GRAMD4: variants seen among roughly 807,000 people sequenced by gnomAD.
GRAMD4 encodes the protein GRAM domain containing 4.
In GRAMD4, 25 loss-of-function variants were observed where a neutral mutation model predicts 83.9. That is an observed-to-expected ratio of 0.30 (90% CI 0.22 to 0.42). The LOEUF (loss-of-function observed/expected upper bound fraction) is 0.42, where lower values mean the gene tolerates loss of function less well. Ranked by LOEUF, GRAMD4 falls within the 10% of genes least tolerant of loss-of-function variation. GRAMD4 has a pLI of 1.00. For synonymous variants in GRAMD4, 336 were observed against 320.9 expected, an observed-to-expected ratio of 1.05 and a Z score of -0.50; for missense variants, 593 against 788.7, an observed-to-expected ratio of 0.75 and a Z score of 2.97.
chr22:46,637,426 G>A (rs995767341), intron 2 of GRAMD4, among the ~76,000 whole-genome samples: 1 of 151,992 alleles, frequency 6.6e-6, no homozygotes, highest in Non-Finnish European at 1.5e-5. Flanking sequence ...CTAATTTTTC[G>A]TATTTTTTAG....
In GRAMD4 at chr22:46,665,606, C is replaced by T. The variant is rs556512757; in HGVS notation, c.718-9C>T. On this transcript the variant is annotated splice_polypyrimidine_tract_variant and intron_variant, in intron 8 of 18. Coordinates refer to ENST00000406902, the MANE Select transcript of GRAMD4 (RefSeq NM_015124.5). Reference sequence around the variant, plus strand: ...TCAGGAGGTCTGACGCCCTGTCTCTCACCCGCAGGTGTACATGAATGCCGT... The same window carrying T: ...TCAGGAGGTCTGACGCCCTGTCTCTTACCCGCAGGTGTACATGAATGCCGT... The T allele has an allele frequency of 1.9e-5, 29 of 1,507,842 alleles. No homozygotes were observed. Among genetic ancestry groups the T allele is most frequent in the East Asian group, 1.1e-4 (5 of 44,312 alleles). The allele number at this position is 1,507,842 out of a possible 1,614,324, so 93.4% of individuals were successfully genotyped here.
intron 2 of GRAMD4, among the ~76,000 whole-genome samples, chr22:46,632,767 G>A (rs547654064): frequency 5.9e-5 from 9 of 152,352 alleles, no homozygotes; most frequent in South Asian, 2.1e-4. Flanking sequence ...GGTGGAGACC[G>A]TGGGGCCCAG....
At chr22:46,616,037 TGTAGG>T (rs142673927), upstream of GRAMD4, among the ~76,000 whole-genome samples, 35 of 3,014 alleles carry the variant, frequency 0.012, 2 homozygotes, top group African/African-American at 0.03. Flanking sequence ...TTCCCCCATG[TGTAGG>T]TTCCCCTGTG....
At chr22:46,596,034 G>A (rs558548739) in intron 1 of GRAMD4, among the ~76,000 whole-genome samples, 98 of 152,364 alleles carry the variant, frequency 6.4e-4, no homozygotes, top group African/African-American at 2.2e-3. Context: ...TTGCTTCAGT[G>A]CATTAGGATG....
chr22:46,623,525 C>T (rs559288133), intron 1 of GRAMD4, among the ~76,000 whole-genome samples: 35 of 149,492 alleles, frequency 2.3e-4, no homozygotes, highest in Non-Finnish European at 2.7e-4. Flanking sequence ...GTAGCTGGGA[C>T]GCTTGGACTA....
chr22:46,658,701 C>T lies in GRAMD4; in HGVS notation c.404+394C>T, dbSNP rs1042786765. On this transcript the variant is annotated intron_variant, in intron 4 of 18. Transcript: ENST00000406902. Reference sequence around the variant, plus strand: ...TGTACATCCACCCAGTGCCCCACCCCGGGGGCCAGCCCGGCCTCTTAGGAT... The same window carrying T: ...TGTACATCCACCCAGTGCCCCACCCTGGGGGCCAGCCCGGCCTCTTAGGAT... Among the ~76,000 whole-genome samples, 14 of 152,160 alleles carry T rather than the reference C, an allele frequency of 9.2e-5. No homozygotes were observed. The South Asian group carries it at 2.1e-3, about 23-fold the overall frequency.
rs1233779718 is a variant in GRAMD4, at chr22:46,672,906, G to A, written c.1148G>A (p.Arg383His). 1.9e-6 allele frequency: 3 copies of A among 1,612,376 alleles called. No individual in the cohort carries two copies. Among genetic ancestry groups the A allele is most frequent in the African/African-American group, 1.3e-5 (1 of 75,012 alleles). ...DFIFKRCPRL[R>H]AKYDTPYIIW... ...ATCTTTAAACGCTGCCCGAGGCTGC[G>A]CGCCAAGTACGACACGCCCTATATC... The change falls in exon 14 of 19, where the codon CGC becomes CAC. Residue 383 changes from arginine (R) to histidine (H), a missense_variant. Transcript: ENST00000406902. This position sits in a 1 kb window ranked among gnomAD's most constrained non-coding sequence, Gnocchi z 4.7.
rs548841584 is a variant in GRAMD4 at position 46,645,356 on chromosome 22, C to T, written c.283+7396C>T. On this transcript the variant is annotated intron_variant, in intron 3 of 18. Transcript: ENST00000406902. ...ACCCACAGACATATTCTGGTTGTCA[C>T]TAAGCCAACGTCTGTGTGCCACTGT... 1.0e-3 allele frequency among the ~76,000 whole-genome samples: 153 copies of T among 152,326 alleles called. 1 individual carries two copies. The highest frequency in any genetic ancestry group is 1.4e-3 in the Non-Finnish European group (94 of 68,042).
At chr22:46,656,643 G>T (rs976564853) in intron 3 of GRAMD4, among the ~76,000 whole-genome samples, 1 of 152,232 alleles carries the variant, frequency 6.6e-6, no homozygotes, top group Non-Finnish European at 1.5e-5. Context: ...AGGCTTAGAA[G>T]CCTGCCTTCA....
chr22:46,618,784 G>T (rs186519713), upstream of GRAMD4, among the ~76,000 whole-genome samples: 319 of 152,344 alleles, frequency 2.1e-3, 2 homozygotes, highest in Non-Finnish European at 3.9e-3. The surrounding 1 kb of genome is among the most constrained non-coding windows in gnomAD (Gnocchi z 5.8). Context: ...CCGTCTGGAG[G>T]CGTGCGGCCG....
upstream of GRAMD4, among the ~76,000 whole-genome samples, chr22:46,619,241 C>T (rs2081541826): frequency 6.6e-6 from 1 of 152,164 alleles, no homozygotes; most frequent in African/African-American, 2.4e-5. Flanking sequence ...CCAGAGGGCC[C>T]AGGGAGCTGT....
chr22:46,587,877 T>G (rs908560071), intron 1 of GRAMD4: 15 of 983,490 alleles, frequency 1.5e-5, no homozygotes, highest in Non-Finnish European at 1.8e-5. Flanking sequence ...GGCGTCGGGG[T>G]GGGGCCGCGG....
rs71192437 is a variant in GRAMD4, at chr22:46,644,697, GTTTTTTTTTTTTTTTTTTTT to G, written c.283+6755_283+6774del. On this transcript the variant is annotated intron_variant, in intron 3 of 18. Transcript: ENST00000406902. ...TCATCCACTTGTCCACTTGTTCCCTGTTTTTTTTTTTTTTTTTTTTTTTTTTTTTTTTTTTTTACTTTGTT... is the reference window on the plus strand; with the variant it reads ...TCATCCACTTGTCCACTTGTTCCCTGTTTTTTTTTTTTTTTTTACTTTGTT... 4.4e-3 allele frequency among the ~76,000 whole-genome samples: 429 copies of G among 97,370 alleles called. 5 individuals carry two copies. The highest frequency in any genetic ancestry group is 0.013 in the African/African-American group (330 of 24,982). The allele number at this position is 97,370 out of a possible 152,430, so 63.9% of individuals were successfully genotyped here. A position where few individuals can be genotyped will look rare whatever the true frequency, so the allele number is the denominator to read the frequency against.
chr22:46,648,540 G>A (rs536883330), intron 3 of GRAMD4, among the ~76,000 whole-genome samples: 112 of 151,832 alleles, frequency 7.4e-4, no homozygotes, highest in African/African-American at 2.6e-3. Flanking sequence ...TGGGTGAATG[G>A]GAGAAGGGAT....
chr22:46,623,461 C>T (rs1201873454), intron 1 of GRAMD4, among the ~76,000 whole-genome samples: 1 of 152,180 alleles, frequency 6.6e-6, no homozygotes, highest in Non-Finnish European at 1.5e-5. Context: ...AGTCTCGGCT[C>T]ATTGCAAGCT....
chr22:46,639,324 G>GGTTAACCCTGTGTGTT (rs2081939850), intron 3 of GRAMD4, among the ~76,000 whole-genome samples: 1 of 82,200 alleles, frequency 1.2e-5, no homozygotes, highest in African/African-American at 5.1e-5. Context: ...CCCTGTGTGT[G>GGTTAACCCTGTGTGTT]TGTGCACGTG....
chr22:46,674,769 C>T lies in GRAMD4; in HGVS notation c.1478+19C>T. ...CGGAGAAGTGAGTGCAGCCGTGGGGCCCTGTGTGGCTGCAGGGGAGGGGGC... is the reference window on the plus strand; with the variant it reads ...CGGAGAAGTGAGTGCAGCCGTGGGGTCCTGTGTGGCTGCAGGGGAGGGGGC... On this transcript the variant is annotated intron_variant, in intron 16 of 18. Coordinates refer to ENST00000406902, the MANE Select transcript of GRAMD4 (RefSeq NM_015124.5). 1.3e-6 allele frequency: 2 copies of T among 1,540,722 alleles called. No individual in the cohort carries two copies. Among genetic ancestry groups the T allele is most frequent in the Non-Finnish European group, 1.8e-6 (2 of 1,114,554 alleles).
At position 46,606,586 on chromosome 22, in the gene GRAMD4, C is replaced by T. The variant is rs527752049; in HGVS notation, c.-49-20165C>T. On this transcript the variant is annotated intron_variant, in intron 1 of 1. Coordinates refer to the GRAMD4 transcript ENST00000431155. ...GGCCTATGGCCGGTGCTGAGCATCT[C>T]TGCATGGGTTTATTGACCGGTGCTG... is the stretch of plus-strand genomic sequence containing the variant. Among the ~76,000 whole-genome samples, 131 of 111,672 alleles carry T rather than the reference C, an allele frequency of 1.2e-3. 4 individuals carry two copies. Among genetic ancestry groups the T allele is most frequent in the African/African-American group, 3.6e-3 (118 of 33,160 alleles). The allele number at this position is 111,672 out of a possible 152,430, so 73.3% of individuals were successfully genotyped here. A position where few individuals can be genotyped will look rare whatever the true frequency, so the allele number is the denominator to read the frequency against.
At chr22:46,646,315 A>G (rs1041425225) in intron 3 of GRAMD4, among the ~76,000 whole-genome samples, 7 of 152,192 alleles carry the variant, frequency 4.6e-5, no homozygotes, top group Non-Finnish European at 1.0e-4. Flanking sequence ...TGCTCCCAGA[A>G]GCTCCCTTTC....
Sources: allele counts gnomAD v4.1 joint callset (sites outside exome capture counted in the v4.1 genomes callset), GRCh38; gene constraint gnomAD v4.1.1; non-coding constraint Gnocchi (gnomAD v3.1); transcripts MANE v1.5; gene names NCBI Gene and HGNC (gene_info 2026-07-23, HGNC 2026-07-21).